RSU1: variants seen among roughly 807,000 people sequenced by gnomAD.
The protein encoded by RSU1 is rsu-1.
Under a neutral mutation model 31.1 loss-of-function variants are expected in RSU1, and 26 were observed. The ratio of observed to expected loss-of-function variants is 0.84; its 90% CI spans 0.61 to 1.16. The LOEUF (loss-of-function observed/expected upper bound fraction) is 1.16, where lower values mean the gene tolerates loss of function less well. Ranked by LOEUF, RSU1 falls within the 50% of genes most tolerant of loss-of-function variation. RSU1 has a pLI of 0.00. For missense variants in RSU1, 320 were observed against 339.1 expected (o/e 0.94, Z 0.44); for synonymous variants, 164 against 136.3 (o/e 1.20, Z -1.41).
rs557545523 is a variant in RSU1 at position 16,594,751 on chromosome 10, ATATAC to A, written c.732-1260_732-1256del. On this transcript the variant is annotated intron_variant, in intron 8 of 8. Coordinates refer to ENST00000345264, the MANE Select transcript of RSU1 (RefSeq NM_012425.4). Reference sequence around the variant, plus strand: ...TAATATATCATATATATCATATAAAATATACTATATTATCTATTATATATCATATA... The same window carrying A: ...TAATATATCATATATATCATATAAAATATATTATCTATTATATATCATATA... Among the ~76,000 whole-genome samples the A allele has an allele frequency of 5.3e-3, 766 of 145,448 alleles. 7 individuals carry two copies. The highest frequency in any genetic ancestry group is 0.018 in the African/African-American group (715 of 40,386).
At chr10:16,787,263 T>A (rs574154739) in intron 2 of RSU1, among the ~76,000 whole-genome samples, 4 of 152,232 alleles carry the variant, frequency 2.6e-5, no homozygotes, top group South Asian at 2.1e-4. Flanking sequence ...TGCTGTGGAA[T>A]CTTGCGAGCC....
At chr10:16,643,952 C>T (rs933437842) in intron 8 of RSU1, among the ~76,000 whole-genome samples, 3 of 151,956 alleles carry the variant, frequency 2.0e-5, no homozygotes, top group Non-Finnish European at 4.4e-5. Context: ...CAACTATTTA[C>T]ATAACGTTGA....
intron 8 of RSU1, among the ~76,000 whole-genome samples, chr10:16,626,035 C>A (rs1177819087): frequency 1.3e-5 from 2 of 151,916 alleles, no homozygotes; most frequent in Admixed American, 6.6e-5. Context: ...TTCAACCAAT[C>A]CTTTTCCTTT....
intron 4 of RSU1, among the ~76,000 whole-genome samples, chr10:16,763,612 C>T (rs1368711421): frequency 6.6e-6 from 1 of 152,254 alleles, no homozygotes; most frequent in African/African-American, 2.4e-5. Context: ...GCTGGGGACA[C>T]AGACCCAGAC....
chr10:16,673,892 C>T (rs1295766852), intron 8 of RSU1, among the ~76,000 whole-genome samples: 1 of 152,102 alleles, frequency 6.6e-6, no homozygotes. Context: ...GAGCTGCCTC[C>T]CCTCCCCTCT....
At chr10:16,797,728 C>T (rs1188807442) in intron 2 of RSU1, among the ~76,000 whole-genome samples, 2 of 151,242 alleles carry the variant, frequency 1.3e-5, no homozygotes, top group Non-Finnish European at 2.9e-5. Context: ...AGGGACAAAA[C>T]TTAAGAAAAA....
chr10:16,714,035 A>T (rs1836075287), intron 7 of RSU1, among the ~76,000 whole-genome samples: 2 of 152,016 alleles, frequency 1.3e-5, no homozygotes, highest in African/African-American at 4.8e-5. Context: ...TGCTGGGAGT[A>T]GGGGTGTTGG....
At chr10:16,774,456 G>A (rs917734507) in intron 3 of RSU1, among the ~76,000 whole-genome samples, 2 of 152,152 alleles carry the variant, frequency 1.3e-5, no homozygotes, top group Admixed American at 1.3e-4. Context: ...TGTAGTCCCA[G>A]CTACTAGGGA....
At chr10:16,739,009 G>T (rs1317574218) in intron 7 of RSU1, among the ~76,000 whole-genome samples, 1 of 152,102 alleles carries the variant, frequency 6.6e-6, no homozygotes, top group East Asian at 1.9e-4. Flanking sequence ...ATGGCTTCCA[G>T]CTTCATCCAT....
intron 7 of RSU1, among the ~76,000 whole-genome samples, chr10:16,729,265 CATT>C (rs1438490255): frequency 3.3e-5 from 5 of 152,182 alleles, no homozygotes; most frequent in South Asian, 2.1e-4. Flanking sequence ...GGCTAGGAAA[CATT>C]ATTAGTGATA....
chr10:16,644,651 G>A (rs553522529), intron 8 of RSU1, among the ~76,000 whole-genome samples: 6 of 152,246 alleles, frequency 3.9e-5, no homozygotes, highest in Non-Finnish European at 7.4e-5. Flanking sequence ...CACACATAGC[G>A]CAGTGTTCTG....
chr10:16,815,095 C>A (rs1242799237), intron 2 of RSU1, among the ~76,000 whole-genome samples: 1 of 152,186 alleles, frequency 6.6e-6, no homozygotes, highest in African/African-American at 2.4e-5. Context: ...ATCAACAGTG[C>A]CCCCAATAAT....
intron 7 of RSU1, among the ~76,000 whole-genome samples, chr10:16,717,881 T>C (rs1295186203): frequency 6.6e-6 from 1 of 152,002 alleles, no homozygotes; most frequent in Admixed American, 6.5e-5. Flanking sequence ...AGTGGAGATC[T>C]ACCACAATTT....
intron 8 of RSU1, among the ~76,000 whole-genome samples, chr10:16,693,686 C>T (rs1353881237): frequency 6.6e-6 from 1 of 151,586 alleles, no homozygotes; most frequent in Admixed American, 6.6e-5. Flanking sequence ...CAAAGGGAGA[C>T]CCCGTCTCTG....
intron 8 of RSU1, among the ~76,000 whole-genome samples, chr10:16,635,771 G>C (rs1001737376): frequency 3.3e-5 from 5 of 152,048 alleles, no homozygotes; most frequent in Admixed American, 1.3e-4. Flanking sequence ...ACTCTTCAAG[G>C]GCTTATCCAT....
At chr10:16,731,898 T>C (rs947234777) in intron 7 of RSU1, among the ~76,000 whole-genome samples, 3 of 152,178 alleles carry the variant, frequency 2.0e-5, no homozygotes, top group Admixed American at 2.0e-4. Flanking sequence ...GCCGATATTG[T>C]TGGGACAGGG....
chr10:16,599,869 A>G (rs969237974), intron 8 of RSU1, among the ~76,000 whole-genome samples: 1 of 151,944 alleles, frequency 6.6e-6, no homozygotes, highest in African/African-American at 2.4e-5. Context: ...GGGCACTGCC[A>G]CTCGGCTATG....
chr10:16,783,218 T>C (rs545209904), intron 2 of RSU1, among the ~76,000 whole-genome samples: 145 of 152,094 alleles, frequency 9.5e-4, no homozygotes, highest in Middle Eastern at 6.8e-3. Context: ...GCCTCCAATA[T>C]TATTTCTTTA....
At chr10:16,797,086 C>A (rs969508908) in intron 2 of RSU1, among the ~76,000 whole-genome samples, 2 of 152,164 alleles carry the variant, frequency 1.3e-5, no homozygotes, top group Non-Finnish European at 2.9e-5. Context: ...GCAGGGCCTG[C>A]AGTAGGGTCT....
Sources: gnomAD v4.1 joint callset for allele counts (sites outside exome capture counted in the v4.1 genomes callset) on GRCh38, gnomAD v4.1.1 for gene constraint, MANE v1.5 for transcripts, NCBI Gene and HGNC (gene_info 2026-07-23, HGNC 2026-07-21) for gene names.